Variants in ATP8B3 observed in about 807,000 individuals in gnomAD.
ATP8B3 encodes phospholipid-transporting ATPase IK.
A neutral mutation model predicts 140.9 loss-of-function variants in ATP8B3; 141 were observed. The ratio of observed to expected loss-of-function variants is 1.00; its 90% CI spans 0.87 to 1.15. The LOEUF (loss-of-function observed/expected upper bound fraction) is 1.15. ATP8B3 is among the 50% of genes most tolerant of loss of function. The probability of loss-of-function intolerance (pLI) is 0.00; values close to 1 mark genes in which losing one functional copy is unlikely to be tolerated. For synonymous variants in ATP8B3, 765 were observed against 714.6 expected, an observed-to-expected ratio of 1.07 and a Z score of -1.13; for missense variants, 1,874 against 1,740.6, an observed-to-expected ratio of 1.08 and a Z score of -1.36.
At position 1,789,540 on chromosome 19, in the gene ATP8B3, C is replaced by T. The variant is rs377262052; in HGVS notation, c.2666G>A (p.Arg889His). 1.0e-4 allele frequency: 166 copies of T among 1,597,232 alleles called. No individual in the cohort carries two copies. Among genetic ancestry groups the T allele is most frequent in the Middle Eastern group, 8.3e-4 (5 of 6,030 alleles). The change falls in exon 23 of 29, where the codon CGT (arginine) becomes CAT (histidine). Residue 889 changes from arginine (R) to histidine (H), a missense_variant. Arg to His is a conservative substitution (Grantham distance 29, BLOSUM62 0). Around this residue, in one of 3 missense-constraint regions of ATP8B3, gnomAD observed 840 missense variants for 760.9 expected, o/e 1.10. Transcript: ENST00000310127. ...GCGCTCCTGCAGCACCTCGGAGCTA[C>T]GGCGGGCTCTGGAGTCCTGGGCTGG... ...APPAQDSRAR[R>H]SSEVLQERAF... is the part of the protein sequence containing the mutation.
In ATP8B3 at chr19:1,796,873, G is replaced by A. The variant is rs1387621391; in HGVS notation, c.1591C>T (p.Pro531Ser). The change falls in exon 16 of 29, where the codon CCC becomes TCC. Residue 531 changes from proline to serine, a missense_variant. Pro to Ser is a moderately conservative substitution (Grantham distance 74). This residue lies in a region of ATP8B3 where 1,032 missense variants were observed against 963.6 expected (regional missense o/e 1.07). Transcript: ENST00000310127. Reference protein sequence around the residue: ...SEATTRPKENPYLWNKFADGK... With the variant: ...SEATTRPKENSYLWNKFADGK... ...TCGGCGAACTTGTTCCAGAGGTAGG[G>A]GTTCTCCTGGGGGTGGCGGGGGCAC... 2 of 1,612,002 alleles carry A rather than the reference G, an allele frequency of 1.2e-6. No individual in the cohort carries two copies. Among genetic ancestry groups the A allele is most frequent in the South Asian group, 2.2e-5 (2 of 91,022 alleles).
chr19:1,809,277 G>A (rs1181671695), intron 4 of ATP8B3, among the ~76,000 whole-genome samples: 1 of 152,094 alleles, frequency 6.6e-6, no homozygotes, highest in African/African-American at 2.4e-5. Context: ...GAGATCAGGA[G>A]TTCGAGACCA....
intron 14 of ATP8B3, 142 bp downstream of exon 14, chr19:1,799,805 C>T (rs919633024): frequency 1.1e-6 from 1 of 881,690 alleles, no homozygotes; most frequent in Non-Finnish European, 1.7e-6. Context: ...CCAAAGGAAA[C>T]CAGGCCATCT....
chr19:1,788,421 G>C (rs2068374223), intron 24 of ATP8B3, among the ~76,000 whole-genome samples: 1 of 152,052 alleles, frequency 6.6e-6, no homozygotes, highest in Non-Finnish European at 1.5e-5. Flanking sequence ...AGGCCAAAGT[G>C]AGCAGGTCAC....
Position 1,789,456 on chromosome 19 carries a change from T to A in ATP8B3, c.2750A>T (p.Lys917Met). The A allele has an allele frequency of 6.3e-7, 1 of 1,597,570 alleles. No homozygotes were observed. Among genetic ancestry groups the A allele is most frequent in the Non-Finnish European group, 8.5e-7 (1 of 1,178,978 alleles). The change falls in exon 23 of 29, where the codon AAG becomes ATG. Residue 917 changes from lysine (K) to methionine (M), a missense_variant. By Grantham distance (95) the Lys-to-Met change is moderately conservative (BLOSUM62 -1). This residue lies in a region of ATP8B3 where 840 missense variants were observed against 760.9 expected (regional missense o/e 1.10). Transcript: ENST00000310127. ...QAVICCRVTPKQKALIVALVK... is the reference protein window; with the variant it reads ...QAVICCRVTPMQKALIVALVK... ...CAGGGCCACGATCAGGGCCTTCTGC[T>A]TGGGCGTCACGCGGCAGCAGATGAC...
In ATP8B3 at chr19:1,782,976, G is replaced by A; in HGVS notation, c.*52C>T. On this transcript the variant is annotated 3_prime_UTR_variant, in exon 29 of 29. Coordinates refer to ENST00000310127, the MANE Select transcript of ATP8B3 (RefSeq NM_138813.4). ...AGCTGTACTTCCTGGGAGGACACCT[G>A]CCCCTGTGGCTGGTGCTTCTTCTTC... The A allele has an allele frequency of 6.4e-7, 1 of 1,557,788 alleles. No homozygotes were observed. Among genetic ancestry groups the A allele is most frequent in the Non-Finnish European group, 8.7e-7 (1 of 1,150,732 alleles).
At chr19:1,785,105 A>G (rs1452872101) in intron 27 of ATP8B3, 54 bp downstream of exon 27, 133 of 1,491,592 alleles carry the variant, frequency 8.9e-5, no homozygotes, top group Admixed American at 5.7e-4. Flanking sequence ...AACCTCTTCC[A>G]TCGGGGCTCC....
chr19:1,785,266 A>G lies in ATP8B3; in HGVS notation c.3425T>C (p.Leu1142Pro). The G allele has an allele frequency of 6.2e-7, 1 of 1,608,892 alleles. No homozygotes were observed. Among genetic ancestry groups the G allele is most frequent in the Non-Finnish European group, 8.5e-7 (1 of 1,177,760 alleles). Residue 1142 changes from leucine (L) to proline (P), a missense_variant, in exon 27 of 29, where the codon CTG becomes CCG. Coordinates refer to ENST00000310127, the MANE Select transcript of ATP8B3 (RefSeq NM_138813.4). The stretch of plus-strand genomic sequence containing the variant: ...GCTGAGGAGGATGGTCGCCACGCAC[A>G]GGGCGGTCCAGTACTTGATGATAAG... ...VILIIKYWTA[L>P]CVATILLSLG...
chr19:1,789,078 T>C lies in ATP8B3; in HGVS notation c.2888A>G (p.Gln963Arg). The change falls in exon 24 of 29, where the codon CAG becomes CGG. Residue 963 changes from glutamine (Q) to arginine (R), a missense_variant. Gln to Arg is a conservative substitution (Grantham distance 43). This residue lies in a region of ATP8B3 where 840 missense variants were observed against 760.9 expected (regional missense o/e 1.10). Coordinates refer to ENST00000310127, the MANE Select transcript of ATP8B3 (RefSeq NM_138813.4). ...GVGLAGQEGM[Q>R]AVQNSDFVLG... The stretch of plus-strand genomic sequence containing the variant: ...CACGAAGTCGCTGTTCTGAACTGCC[T>C]GCATGCCCTCCTGGCCCGCCAGCCC... The C allele has an allele frequency of 6.3e-7, 1 of 1,588,232 alleles. No individual in the cohort carries two copies. The highest frequency in any genetic ancestry group is 1.7e-5 in the Admixed American group (1 of 57,454).
At chr19:1,783,455 T>C (rs2145165606) in intron 28 of ATP8B3, among the ~76,000 whole-genome samples, 185 bp from the exon 29 acceptor site, 1 of 152,294 alleles carries the variant, frequency 6.6e-6, no homozygotes, top group East Asian at 1.9e-4. Flanking sequence ...AGGAGGACTC[T>C]AGTCCTTTGC....
rs1377030897 is a variant in ATP8B3, at chr19:1,808,347, G to A, written c.403-12C>T. The A allele has an allele frequency of 6.3e-7, 1 of 1,599,774 alleles. No homozygotes were observed. Among genetic ancestry groups the A allele is most frequent in the Non-Finnish European group, 8.5e-7 (1 of 1,170,264 alleles). On this transcript the variant is annotated splice_polypyrimidine_tract_variant and intron_variant, in intron 4 of 28. Transcript: ENST00000310127. ...CGGATGACATTGGTCTGGAACGAGA[G>A]CCGCGGGCTGCCTGGCAGAGGGGTG... is the stretch of plus-strand genomic sequence containing the variant.
chr19:1,790,732 C>T, intron 21 of ATP8B3, 25 bp downstream of exon 21: 1 of 1,562,204 alleles, frequency 6.4e-7, no homozygotes, highest in Non-Finnish European at 8.7e-7. Flanking sequence ...TCCCCTTGCT[C>T]ACCCCCCAAC....
At chr19:1,796,468 G>A (rs1046915992) in intron 16 of ATP8B3, among the ~76,000 whole-genome samples, 13 of 152,218 alleles carry the variant, frequency 8.5e-5, no homozygotes, top group Admixed American at 7.2e-4. Flanking sequence ...GGCTCCGACC[G>A]CAGGCCTGGA....
At position 1,789,746 on chromosome 19, in the gene ATP8B3, G is replaced by T; in HGVS notation, c.2479-19C>A. 1 of 1,543,060 alleles carries T rather than the reference G, an allele frequency of 6.5e-7. No homozygotes were observed. On this transcript the variant is annotated intron_variant, in intron 22 of 28. Transcript: ENST00000310127. ...GTTTGTCCTGGCCGGCGGGGAGGGGGCTGTGCCAGGCGCCGTGGCCTCCAG... is the reference window on the plus strand; with the variant it reads ...GTTTGTCCTGGCCGGCGGGGAGGGGTCTGTGCCAGGCGCCGTGGCCTCCAG...
Position 1,796,576 on chromosome 19 carries a change from G to A in ATP8B3, c.1753+135C>T, listed in dbSNP as rs575147433. On this transcript the variant is annotated intron_variant, in intron 16 of 28. Coordinates refer to ENST00000310127, the MANE Select transcript of ATP8B3 (RefSeq NM_138813.4). ...CCCGGACGCCCTCGAGGTGCGGCTG[G>A]TGTCACACCGGCCTCAGCGCCCCCC... is the stretch of plus-strand genomic sequence containing the variant. 52 of 1,177,414 alleles carry A rather than the reference G, an allele frequency of 4.4e-5. No individual in the cohort carries two copies. The African/African-American group carries it at 6.9e-4, about 16-fold the overall frequency. 72.9% of individuals were successfully genotyped at this position (1,177,414 alleles called of 1,614,324 possible). A position where few individuals can be genotyped will look rare whatever the true frequency, so the allele number is the denominator to read the frequency against.
At chr19:1,796,953 C>A (rs894658963) in intron 15 of ATP8B3, 21 bp downstream of exon 15, 4 of 1,612,758 alleles carry the variant, frequency 2.5e-6, no homozygotes, top group African/African-American at 1.3e-5. Flanking sequence ...CCGTCCCGCG[C>A]TGCAAGCCAG....
chr19:1,799,909 C>A, intron 14 of ATP8B3, 38 bp downstream of exon 14: 4 of 1,545,820 alleles, frequency 2.6e-6, no homozygotes, highest in Non-Finnish European at 3.5e-6. Flanking sequence ...CCTTGAAGAT[C>A]GAGGACCCAG....
intron 11 of ATP8B3, 69 bp downstream of exon 11, chr19:1,802,418 C>CAA: frequency 1.5e-6 from 1 of 664,284 alleles, no homozygotes; most frequent in Non-Finnish European, 2.4e-6. Flanking sequence ...CCCACCCACC[C>CAA]ATCCCCACAT....
intron 4 of ATP8B3, among the ~76,000 whole-genome samples, 179 bp from the exon 5 acceptor site, chr19:1,808,514 G>A (rs572402746): frequency 3.3e-5 from 5 of 149,938 alleles, no homozygotes; most frequent in South Asian, 2.1e-4. Context: ...TGAATGCAAG[G>A]CCTCAGACCA....
Sources: gnomAD v4.1 joint callset for allele counts (sites outside exome capture counted in the v4.1 genomes callset) on GRCh38, gnomAD v4.1.1 for gene constraint, gnomAD v4.1.1 regional missense constraint, MANE v1.5 for transcripts, NCBI Gene and HGNC (gene_info 2026-07-23, HGNC 2026-07-21) for gene names.